The following GBF1 variants were observed in gnomAD, a reference collection of about 807,000 sequenced individuals.
GBF1 encodes the protein Golgi-specific brefeldin A-resistance guanine nucleotide exchange factor 1.
GBF1 carries 114 observed loss-of-function variants against 210.5 expected under a neutral mutation model. The ratio of observed to expected loss-of-function variants is 0.54; its 90% CI spans 0.47 to 0.63. The LOEUF (loss-of-function observed/expected upper bound fraction) is 0.63, where lower values mean the gene tolerates loss of function less well. Among genes scored for constraint, GBF1 ranks in the 30% least tolerant of loss-of-function variants. The pLI is 0.00. For synonymous variants in GBF1, 850 were observed against 889.2 expected (o/e 0.96, Z 0.78); for missense variants, 1,851 against 2,357.7 (o/e 0.79, Z 4.45).
intron 3 of GBF1, among the ~76,000 whole-genome samples, chr10:102,280,140 G>A (rs1052799655): frequency 1.3e-5 from 2 of 152,032 alleles, no homozygotes; most frequent in African/African-American, 4.8e-5. Context: ...AAGAGAGAGA[G>A]AGAGAGAGAG....
chr10:102,242,258 T>A (rs201838877), upstream of GBF1, among the ~76,000 whole-genome samples: 39 of 152,330 alleles, frequency 2.6e-4, no homozygotes, highest in East Asian at 7.3e-3. Context: ...AACTGCACCA[T>A]CACTGAGTGA....
chr10:102,379,908 G>T lies in GBF1; in HGVS notation c.4832G>T (p.Gly1611Val). 1 of 1,613,820 alleles carries T rather than the reference G, an allele frequency of 6.2e-7. No individual in the cohort carries two copies. Among genetic ancestry groups the T allele is most frequent in the Non-Finnish European group, 8.5e-7 (1 of 1,179,750 alleles). Residue 1611 changes from glycine to valine, a missense_variant, in exon 36 of 40, where the codon GGT (glycine) becomes GTT (valine). Coordinates refer to ENST00000369983, the MANE Select transcript of GBF1 (RefSeq NM_001377137.1). ...LLENISPADVGGMEETRMRAS... is the reference protein window; with the variant it reads ...LLENISPADVVGMEETRMRAS... ...GAGAACATCAGCCCTGCAGATGTGG[G>T]TGGGATGGAGGAGACCCGGATGAGG... is the stretch of plus-strand genomic sequence containing the variant.
intron 17 of GBF1, among the ~76,000 whole-genome samples, chr10:102,364,097 G>A (rs2059767849): frequency 6.6e-6 from 1 of 152,036 alleles, no homozygotes; most frequent in African/African-American, 2.4e-5. Context: ...GGTCATTGAA[G>A]GTTACTGTCA....
At chr10:102,313,737 A>G (rs1299973938) in intron 3 of GBF1, among the ~76,000 whole-genome samples, 1 of 152,164 alleles carries the variant, frequency 6.6e-6, no homozygotes, top group African/African-American at 2.4e-5. Flanking sequence ...AATCCTGTCC[A>G]CCTAACTAGT....
intron 3 of GBF1, among the ~76,000 whole-genome samples, chr10:102,313,348 A>G (rs938350410): frequency 6.6e-6 from 1 of 152,152 alleles, no homozygotes; most frequent in Non-Finnish European, 1.5e-5. Flanking sequence ...CTTACGTGAA[A>G]GAAAACAAAA....
At chr10:102,324,404 G>A (rs1342000693) in intron 3 of GBF1, among the ~76,000 whole-genome samples, 2 of 152,050 alleles carry the variant, frequency 1.3e-5, no homozygotes, top group East Asian at 3.9e-4. Flanking sequence ...TATGAAATGA[G>A]TTATTTGTAA....
At chr10:102,321,109 T>C (rs747282294) in intron 3 of GBF1, among the ~76,000 whole-genome samples, 1 of 152,184 alleles carries the variant, frequency 6.6e-6, no homozygotes, top group Non-Finnish European at 1.5e-5. Context: ...ATTTAATTCT[T>C]AACCACTCTG....
chr10:102,370,147 AC>A lies in GBF1; in HGVS notation c.3340-22del, dbSNP rs571525808. 1.7e-4 allele frequency: 269 copies of A among 1,576,180 alleles called. No individual in the cohort carries two copies. The African/African-American group carries it at 3.1e-3, about 18-fold the overall frequency. On this transcript the variant is annotated intron_variant, in intron 26 of 39. Coordinates refer to ENST00000369983, the MANE Select transcript of GBF1 (RefSeq NM_001377137.1). ...CTGTTCTCTTCAGCCTTTGTCAAAGACCCCCTCTCTCTTTTGCCCTCTCTAG... is the reference window on the plus strand; with the variant it reads ...CTGTTCTCTTCAGCCTTTGTCAAAGACCCCTCTCTCTTTTGCCCTCTCTAG...
At chr10:102,291,168 CTGCTT>C (rs1321054712) in intron 3 of GBF1, among the ~76,000 whole-genome samples, 2 of 150,960 alleles carry the variant, frequency 1.3e-5, no homozygotes, top group African/African-American at 4.9e-5. Flanking sequence ...GAGCTATTCA[CTGCTT>C]TGTTTGTTTG....
chr10:102,249,105 A>T (rs893041564), intron 1 of GBF1, among the ~76,000 whole-genome samples: 1 of 152,242 alleles, frequency 6.6e-6, no homozygotes, highest in African/African-American at 2.4e-5. Context: ...AGCCTTTTTC[A>T]GGCCAAAGAA....
At chr10:102,309,813 C>T (rs977946197) in intron 3 of GBF1, among the ~76,000 whole-genome samples, 3 of 152,072 alleles carry the variant, frequency 2.0e-5, no homozygotes, top group African/African-American at 7.2e-5. Flanking sequence ...TCTCCCCATT[C>T]TAGATCTGTT....
At chr10:102,280,501 T>A (rs2075388889) in intron 3 of GBF1, among the ~76,000 whole-genome samples, 1 of 152,130 alleles carries the variant, frequency 6.6e-6, no homozygotes, top group African/African-American at 2.4e-5. Context: ...TAAGTGATGT[T>A]TTTTGGCTTG....
At chr10:102,372,328 C>G (rs998272681) in intron 29 of GBF1, among the ~76,000 whole-genome samples, 1 of 151,846 alleles carries the variant, frequency 6.6e-6, no homozygotes, top group Non-Finnish European at 1.5e-5. Flanking sequence ...CCAGCCTGAC[C>G]AACATGGAGA....
chr10:102,356,855 T>C (rs1363084350), intron 8 of GBF1, among the ~76,000 whole-genome samples: 1 of 151,162 alleles, frequency 6.6e-6, no homozygotes, highest in Non-Finnish European at 1.5e-5. Flanking sequence ...TCCTAGGGAA[T>C]AGTTAACAAA....
chr10:102,231,720 C>T, the GBF1 span: 3 of 1,610,190 alleles, frequency 1.9e-6, no homozygotes, highest in African/African-American at 4.0e-5. Flanking sequence ...TGCGCTGCCG[C>T]CGCTGCTTCT....
intron 3 of GBF1, among the ~76,000 whole-genome samples, chr10:102,338,737 G>A: frequency 6.6e-6 from 1 of 151,618 alleles, no homozygotes; most frequent in African/African-American, 2.4e-5. Context: ...ACCTGAGGTT[G>A]GGAGTTTGAG....
intron 4 of GBF1, among the ~76,000 whole-genome samples, chr10:102,346,470 T>C (rs1020288820): frequency 2.0e-5 from 3 of 152,222 alleles, no homozygotes; most frequent in African/African-American, 7.2e-5. Context: ...CTGAATATTA[T>C]CAGTTTTATT....
chr10:102,377,064 G>A lies in GBF1; in HGVS notation c.4418G>A (p.Gly1473Asp), dbSNP rs750944426. ...ACCTCCAGCCAACATGCCTCTCGGG[G>A]CGGGCAGAGTGATGATGATGAGGAC... ...PRTSSQHASR[G>D]GQSDDDEDEG... is the part of the protein sequence containing the mutation. The change falls in exon 33 of 40, where the codon GGC becomes GAC. Residue 1473 changes from glycine (G) to aspartate (D), a missense_variant. By Grantham distance (94) the Gly-to-Asp change is moderately conservative (BLOSUM62 -1). Transcript: ENST00000369983. 7.4e-6 allele frequency: 12 copies of A among 1,614,076 alleles called. No individual in the cohort carries two copies. The African/African-American group carries it at 8.0e-5, about 11-fold the overall frequency.
At chr10:102,348,780 C>T (rs1169448555) in intron 4 of GBF1, among the ~76,000 whole-genome samples, 2 of 152,258 alleles carry the variant, frequency 1.3e-5, no homozygotes, top group Non-Finnish European at 2.9e-5. Flanking sequence ...GATGTGGTGT[C>T]GGAGGCTAAT....
Sources: allele counts gnomAD v4.1 joint callset (sites outside exome capture counted in the v4.1 genomes callset), GRCh38; gene constraint gnomAD v4.1.1; transcripts MANE v1.5; gene names NCBI Gene and HGNC (gene_info 2026-07-23, HGNC 2026-07-21).